HTR1E: variants seen among roughly 807,000 people sequenced by gnomAD.
HTR1E encodes 5-HT-1E.
In HTR1E, 3 loss-of-function variants were observed where a neutral mutation model predicts 3.4. The ratio of observed to expected loss-of-function variants is 0.89; its 90% CI spans 0.41 to 2.31. HTR1E has a LOEUF of 2.31. Ranked by LOEUF, HTR1E falls within the 30% of genes most tolerant of loss-of-function variation. The probability of loss-of-function intolerance (pLI) is 0.05; values close to 1 mark genes in which losing one functional copy is unlikely to be tolerated. For synonymous variants in HTR1E, 170 were observed against 182.8 expected, an observed-to-expected ratio of 0.93 and a Z score of 0.56; for missense variants, 392 against 467.0, an observed-to-expected ratio of 0.84 and a Z score of 1.48.
chr6:86,954,877 A>G (rs1375516632), intron 1 of HTR1E, among the ~76,000 whole-genome samples: 1 of 152,168 alleles, frequency 6.6e-6, no homozygotes, highest in Non-Finnish European at 1.5e-5. Context: ...TTTCTTTCTC[A>G]TTTGATTTTC....
At chr6:86,986,342 TG>T (rs137993226) in intron 1 of HTR1E, among the ~76,000 whole-genome samples, 7,299 of 152,292 alleles carry the variant, frequency 0.048, 195 homozygotes, top group Middle Eastern at 0.071. Flanking sequence ...TCAGTGTTTT[TG>T]TAAGAGCTTG....
At chr6:86,970,882 G>A (rs1368288314) in intron 1 of HTR1E, 2 of 277,954 alleles carry the variant, frequency 7.2e-6, no homozygotes, top group East Asian at 2.1e-4. Context: ...TTGCATCAGG[G>A]TACCCAAACC....
At chr6:87,012,164 G>T (rs1768248551) in intron 1 of HTR1E, among the ~76,000 whole-genome samples, 2 of 152,146 alleles carry the variant, frequency 1.3e-5, no homozygotes, top group African/African-American at 4.8e-5. Context: ...GACTTTCTCT[G>T]TGCATGCAAC....
At chr6:86,998,435 A>C (rs150496106) in intron 1 of HTR1E, among the ~76,000 whole-genome samples, 155 of 152,298 alleles carry the variant, frequency 1.0e-3, no homozygotes, top group African/African-American at 3.4e-3. Context: ...AGAATCTATA[A>C]AATCTCTAAA....
At chr6:86,981,334 A>G (rs1337807332) in intron 1 of HTR1E, among the ~76,000 whole-genome samples, 10 of 152,258 alleles carry the variant, frequency 6.6e-5, no homozygotes, top group Admixed American at 1.3e-4. Context: ...TGACATTAAA[A>G]TACAACAAAT....
At chr6:86,981,102 A>G (rs1767705613) in intron 1 of HTR1E, among the ~76,000 whole-genome samples, 1 of 152,120 alleles carries the variant, frequency 6.6e-6, no homozygotes, top group South Asian at 2.1e-4. Flanking sequence ...CACCCCTCCA[A>G]CTACTCTTCA....
chr6:86,958,588 A>G (rs1241097188), intron 1 of HTR1E, among the ~76,000 whole-genome samples: 1 of 152,188 alleles, frequency 6.6e-6, no homozygotes, highest in Non-Finnish European at 1.5e-5. Context: ...TGTCTAGAGG[A>G]GAATCGAGCA....
intron 1 of HTR1E, among the ~76,000 whole-genome samples, chr6:86,975,059 T>G (rs1341335252): frequency 6.6e-6 from 1 of 152,190 alleles, no homozygotes; most frequent in Non-Finnish European, 1.5e-5. Flanking sequence ...GAGTTTTTAT[T>G]GCATTTGGGG....
chr6:86,955,755 T>C (rs1353158141), intron 1 of HTR1E, among the ~76,000 whole-genome samples: 2 of 152,214 alleles, frequency 1.3e-5, no homozygotes, highest in Non-Finnish European at 2.9e-5. Flanking sequence ...TATGTATGTG[T>C]GTTCCAAAGG....
At chr6:86,998,248 A>G (rs56289356) in intron 1 of HTR1E, among the ~76,000 whole-genome samples, 7,259 of 152,162 alleles carry the variant, frequency 0.048, 194 homozygotes, top group Middle Eastern at 0.071. Context: ...ATTATCTTAT[A>G]GAACATTGTG....
chr6:87,015,997 C>T lies in HTR1E; in HGVS notation c.663C>T (p.His221=). 1 of 1,614,224 alleles carries T rather than the reference C, an allele frequency of 6.2e-7. No homozygotes were observed. Among genetic ancestry groups the T allele is most frequent in the Non-Finnish European group, 8.5e-7 (1 of 1,180,042 alleles). Residue 221 remains histidine (H), a synonymous_variant, in exon 2 of 2, where the codon CAC becomes CAT. Transcript: ENST00000305344. ...ACCAGAAAAGGGGATCAAGTCGGCA[C>T]TTAAGCAACAGAAGCACAGATAGCC... ...SLYQKRGSSR[H]LSNRSTDSQN... is the part of the protein sequence containing the mutation.
intron 1 of HTR1E, among the ~76,000 whole-genome samples, chr6:86,978,876 T>C (rs558710016): frequency 1.8e-4 from 27 of 152,294 alleles, no homozygotes; most frequent in African/African-American, 6.5e-4. Context: ...CTTCCTGGCA[T>C]AGAGAGAATT....
intron 1 of HTR1E, among the ~76,000 whole-genome samples, chr6:86,980,231 GA>G (rs996832028): frequency 2.0e-5 from 3 of 151,680 alleles, no homozygotes; most frequent in Non-Finnish European, 4.4e-5. Flanking sequence ...ACTAAAAATA[GA>G]AAAAAATAGC....
At chr6:87,005,465 A>C (rs1768088240) in intron 1 of HTR1E, among the ~76,000 whole-genome samples, 3 of 152,164 alleles carry the variant, frequency 2.0e-5, no homozygotes, top group African/African-American at 7.2e-5. Flanking sequence ...TTTTGACAAA[A>C]GTGCTGAGAA....
chr6:86,972,071 A>AT (rs1159689074), intron 1 of HTR1E, among the ~76,000 whole-genome samples: 1 of 152,206 alleles, frequency 6.6e-6, no homozygotes, highest in African/African-American at 2.4e-5. Context: ...GAGCATTATA[A>AT]TTTTTTATTT....
intron 1 of HTR1E, among the ~76,000 whole-genome samples, chr6:87,008,039 A>C (rs1768144014): frequency 6.6e-6 from 1 of 152,170 alleles, no homozygotes; most frequent in African/African-American, 2.4e-5. Context: ...ACAACAAAAG[A>C]CTTGTATCCA....
chr6:86,958,447 GT>G (rs1562061054), intron 1 of HTR1E, among the ~76,000 whole-genome samples: 1 of 152,038 alleles, frequency 6.6e-6, no homozygotes. Context: ...TCCTGTTTCT[GT>G]TTTTTCCCTC....
At chr6:87,013,236 T>C (rs1257487270) in intron 1 of HTR1E, among the ~76,000 whole-genome samples, 1 of 152,204 alleles carries the variant, frequency 6.6e-6, no homozygotes, top group Non-Finnish European at 1.5e-5. Flanking sequence ...CTCATCTCCC[T>C]GGTGCTCTGA....
intron 1 of HTR1E, among the ~76,000 whole-genome samples, chr6:86,997,026 C>T (rs571009889): frequency 2.6e-5 from 4 of 151,944 alleles, no homozygotes; most frequent in South Asian, 2.1e-4. Flanking sequence ...CACAAACAAG[C>T]GAGATTTATT....
Sources: allele counts gnomAD v4.1 joint callset (sites outside exome capture counted in the v4.1 genomes callset), GRCh38; gene constraint gnomAD v4.1.1; transcripts MANE v1.5; gene names NCBI Gene and HGNC (gene_info 2026-07-23, HGNC 2026-07-21).